Variants in PVT1 observed in about 807,000 individuals in gnomAD.
PVT1 encodes CXCR4/PVT1 fusion.
chr8:127,890,844 G>A (rs896976162), exon 3 of PVT1: 5 of 152,310 alleles, frequency 3.3e-5, no homozygotes, highest in African/African-American at 9.6e-5. Context: ...ATGTCCATGG[G>A]GGACGAAGGA....
At position 127,959,189 on chromosome 8, in the gene PVT1, C is replaced by T. The variant is rs76641269; in HGVS notation, n.783-29973C>T. ...AAGCGAACTGATGACTATCAGTCCC[C>T]TGATTGCTTCCTGTCTTATGTTTTT... On this transcript the variant is annotated intron_variant and non_coding_transcript_variant, in intron 3 of 10. Coordinates refer to ENST00000651587, the Ensembl canonical transcript of PVT1. Among the ~76,000 whole-genome samples, 3 of 152,306 alleles carry T rather than the reference C, an allele frequency of 2.0e-5. No homozygotes were observed. In the East Asian group the frequency reaches 5.8e-4, roughly 29 times the overall value.
chr8:127,998,902 G>A (rs1817142119), intron 4 of PVT1, among the ~76,000 whole-genome samples: 1 of 138,568 alleles, frequency 7.2e-6, no homozygotes. Flanking sequence ...ATACTTTCTG[G>A]CACTATAAGA....
intron 2 of PVT1, among the ~76,000 whole-genome samples, chr8:127,811,387 T>C (rs1805120081): frequency 6.6e-6 from 1 of 152,226 alleles, no homozygotes. Flanking sequence ...TCCTTGGTTA[T>C]AGGTGCCTCT....
At chr8:127,936,716 T>C (rs1816280351) in intron 3 of PVT1, among the ~76,000 whole-genome samples, 1 of 152,190 alleles carries the variant, frequency 6.6e-6, no homozygotes. Flanking sequence ...CTGCTTCCAG[T>C]GAGGGGTTGC....
chr8:127,809,603 T>C (rs1273743398), intron 2 of PVT1, among the ~76,000 whole-genome samples: 3 of 152,198 alleles, frequency 2.0e-5, no homozygotes, highest in Admixed American at 1.3e-4. Flanking sequence ...TGGAATGTTC[T>C]AGGTAATGTA....
chr8:127,940,372 C>A (rs1193499445), intron 3 of PVT1: 1 of 152,124 alleles, frequency 6.6e-6, no homozygotes, highest in East Asian at 1.9e-4. Context: ...CATGAGACTG[C>A]AGAGCAGAAC....
At chr8:127,960,652 G>A in intron 3 of PVT1, 1 of 526,450 alleles carries the variant, frequency 1.9e-6, no homozygotes, top group African/African-American at 1.9e-5. Context: ...TGCAGGGTTT[G>A]CTTTGAGGTA....
chr8:128,007,390 T>C (rs1817259793), intron 4 of PVT1, among the ~76,000 whole-genome samples: 1 of 152,034 alleles, frequency 6.6e-6, no homozygotes, highest in African/African-American at 2.4e-5. Flanking sequence ...TTTTAAACTC[T>C]TACTTTGTAC....
At chr8:127,851,711 T>C (rs1815109075) in intron 2 of PVT1, among the ~76,000 whole-genome samples, 1 of 152,076 alleles carries the variant, frequency 6.6e-6, no homozygotes, top group Non-Finnish European at 1.5e-5. Flanking sequence ...GTCCAGAGTC[T>C]CAGAGATGAG....
intron 4 of PVT1, among the ~76,000 whole-genome samples, chr8:127,996,192 A>G (rs1190231112): frequency 6.6e-6 from 1 of 152,112 alleles, no homozygotes; most frequent in East Asian, 1.9e-4. Context: ...TTAAATTTGT[A>G]ACAAAGTAAA....
chr8:127,815,508 C>G (rs1169706991), intron 2 of PVT1, among the ~76,000 whole-genome samples: 1 of 152,190 alleles, frequency 6.6e-6, no homozygotes, highest in Non-Finnish European at 1.5e-5. Flanking sequence ...TGTGCTGGGG[C>G]TGACTTCTGC....
chr8:127,910,543 A>T (rs998808523), intron 3 of PVT1, among the ~76,000 whole-genome samples: 1 of 152,114 alleles, frequency 6.6e-6, no homozygotes, highest in African/African-American at 2.4e-5. Context: ...GTGATTGATA[A>T]CTCATGAAGA....
intron 2 of PVT1, among the ~76,000 whole-genome samples, chr8:127,848,191 T>G (rs1340856610): frequency 6.6e-6 from 1 of 152,222 alleles, no homozygotes; most frequent in African/African-American, 2.4e-5. Flanking sequence ...CGTCAGTTCT[T>G]ATCACATGTC....
intron 4 of PVT1, among the ~76,000 whole-genome samples, chr8:127,998,783 T>C (rs746079535): frequency 2.8e-5 from 4 of 143,478 alleles, no homozygotes; most frequent in Non-Finnish European, 6.1e-5. Context: ...TTCCTTCCTT[T>C]CTTCCTTCCT....
intron 4 of PVT1, among the ~76,000 whole-genome samples, chr8:128,060,928 G>C (rs1337261385): frequency 3.0e-5 from 1 of 33,458 alleles, no homozygotes; most frequent in Admixed American, 3.3e-4. Context: ...TTTTTTTTTT[G>C]AGACGGAGTC....
intron 4 of PVT1, among the ~76,000 whole-genome samples, chr8:128,028,831 A>C (rs942154922): frequency 6.6e-6 from 1 of 152,000 alleles, no homozygotes; most frequent in Non-Finnish European, 1.5e-5. Flanking sequence ...CCTATTTTTA[A>C]ATTTTTAAAT....
In PVT1 at chr8:128,050,550, A is replaced by T. The variant is rs1813678767; in HGVS notation, n.913-19610A>T. Among the ~76,000 whole-genome samples the T allele has an allele frequency of 2.6e-5, 4 of 152,096 alleles. No individual in the cohort carries two copies. The South Asian group carries it at 6.2e-4, about 24-fold the overall frequency. ...TGCTTTCCTTGACGTCTGTGCTTTG[A>T]TCCCATTGTTTTTTCTCCCTTGGAT... is the stretch of plus-strand genomic sequence containing the variant. On this transcript the variant is annotated intron_variant and non_coding_transcript_variant, in intron 4 of 10. Transcript: ENST00000651587.
intron 2 of PVT1, among the ~76,000 whole-genome samples, chr8:127,833,691 C>T (rs1042329227): frequency 5.3e-5 from 8 of 152,152 alleles, no homozygotes; most frequent in Admixed American, 6.5e-5. Context: ...TGGACTCAAG[C>T]GATCTACCTG....
At chr8:127,847,810 A>C (rs1336350321) in intron 2 of PVT1, among the ~76,000 whole-genome samples, 1 of 152,186 alleles carries the variant, frequency 6.6e-6, no homozygotes, top group Non-Finnish European at 1.5e-5. Context: ...GTTAGGATGC[A>C]CAGGAAACCA....
Sources: allele counts gnomAD v4.1 joint callset (sites outside exome capture counted in the v4.1 genomes callset), GRCh38; gene constraint gnomAD v4.1.1; transcripts MANE v1.5; gene names NCBI Gene and HGNC (gene_info 2026-07-23, HGNC 2026-07-21).